PDE4B: variants seen among roughly 807,000 people sequenced by gnomAD.
The protein encoded by PDE4B is phosphodiesterase 4B.
In PDE4B, 20 loss-of-function variants were observed where a neutral mutation model predicts 82.2. The observed-to-expected ratio is 0.24, with a 90% confidence interval of 0.17 to 0.35. The LOEUF (loss-of-function observed/expected upper bound fraction) is 0.35, where lower values mean the gene tolerates loss of function less well. Among genes scored for constraint, PDE4B ranks in the 10% least tolerant of loss-of-function variants. PDE4B has a pLI of 1.00. For synonymous variants in PDE4B, 320 were observed against 318.9 expected, an observed-to-expected ratio of 1.00 and a Z score of -0.04; for missense variants, 655 against 907.2, an observed-to-expected ratio of 0.72 and a Z score of 3.57.
chr1:66,223,309 C>A (rs1049919771), intron 3 of PDE4B, among the ~76,000 whole-genome samples: 2 of 152,142 alleles, frequency 1.3e-5, no homozygotes, highest in African/African-American at 4.8e-5. Flanking sequence ...GATGTCTGAA[C>A]TCCCTGCCCA....
intron 7 of PDE4B, among the ~76,000 whole-genome samples, chr1:66,288,204 G>A (rs947587423): frequency 1.3e-5 from 2 of 151,866 alleles, no homozygotes; most frequent in African/African-American, 4.8e-5. Flanking sequence ...GCCAGAGCAG[G>A]GGCAAGAGAG....
intron 3 of PDE4B, among the ~76,000 whole-genome samples, chr1:65,996,561 T>G (rs375894909): frequency 6.6e-6 from 1 of 152,174 alleles, no homozygotes. Flanking sequence ...CTAGAATGTC[T>G]GCATATGTTA....
At chr1:66,043,315 T>TTGACTGAAATATTTCA (rs1425856886) in intron 3 of PDE4B, among the ~76,000 whole-genome samples, 3 of 151,784 alleles carry the variant, frequency 2.0e-5, no homozygotes, top group African/African-American at 7.2e-5. Flanking sequence ...AGTCAATCTG[T>TTGACTGAAATATTTCA]GTTGAATCTT....
At chr1:65,884,362 A>C (rs1194030187) in intron 1 of PDE4B, among the ~76,000 whole-genome samples, 1 of 152,126 alleles carries the variant, frequency 6.6e-6, no homozygotes, top group Non-Finnish European at 1.5e-5. Flanking sequence ...TCAGGGATTC[A>C]AGTTCTTCCT....
At chr1:66,248,790 C>T (rs1004708288) in intron 4 of PDE4B, among the ~76,000 whole-genome samples, 5 of 152,206 alleles carry the variant, frequency 3.3e-5, no homozygotes, top group African/African-American at 1.2e-4. Context: ...GAGGAACACA[C>T]ACATACAAAC....
At chr1:66,213,049 CT>C (rs554086365) in intron 3 of PDE4B, among the ~76,000 whole-genome samples, 57 of 152,094 alleles carry the variant, frequency 3.7e-4, no homozygotes, top group Non-Finnish European at 7.5e-4. Context: ...TTTTCTTTTT[CT>C]TTTTTTTCCC....
chr1:65,924,215 C>T (rs951103772), intron 3 of PDE4B, among the ~76,000 whole-genome samples: 11 of 144,370 alleles, frequency 7.6e-5, no homozygotes, highest in African/African-American at 2.8e-4. Context: ...GCTGGGACTA[C>T]AGGCGCCCGC....
intron 3 of PDE4B, among the ~76,000 whole-genome samples, chr1:66,107,790 A>G (rs1645398942): frequency 2.0e-5 from 3 of 151,962 alleles, no homozygotes; most frequent in Admixed American, 2.0e-4. Context: ...CCAGGTGAAT[A>G]TGATCAATCT....
chr1:66,152,974 T>C (rs887464496), intron 3 of PDE4B, among the ~76,000 whole-genome samples: 1 of 152,140 alleles, frequency 6.6e-6, no homozygotes. Flanking sequence ...TTGTAGATGT[T>C]AACCACATCT....
At chr1:66,208,753 A>C (rs1015963273) in intron 3 of PDE4B, among the ~76,000 whole-genome samples, 4 of 152,234 alleles carry the variant, frequency 2.6e-5, no homozygotes, top group Non-Finnish European at 5.9e-5. Context: ...GGCCACAATG[A>C]GTAGGTCAAT....
chr1:66,179,449 G>T lies in PDE4B; in HGVS notation c.282-68011G>T, dbSNP rs138525008. ...ATGTGAAGAAGATCCAGGAGAGTGA[G>T]AACTACTCATTGCAAATATAGCCCT... On this transcript the variant is annotated intron_variant, in intron 3 of 16. Transcript: ENST00000341517. 2.9e-3 allele frequency among the ~76,000 whole-genome samples: 442 copies of T among 152,068 alleles called. 1 individual carries two copies. Among genetic ancestry groups the T allele is most frequent in the African/African-American group, 9.5e-3 (393 of 41,472 alleles).
chr1:66,332,162 C>T (rs1660159846), intron 7 of PDE4B: 2 of 1,377,236 alleles, frequency 1.5e-6, no homozygotes, highest in Non-Finnish European at 1.9e-6. Flanking sequence ...TCTGAGAAAA[C>T]TCTTTGGTGC....
rs1381603632 is a variant in PDE4B, at chr1:66,213,772, C to T, written c.282-33688C>T. Among the ~76,000 whole-genome samples the T allele has an allele frequency of 3.9e-5, 6 of 152,090 alleles. No homozygotes were observed. The South Asian group carries it at 1.2e-3, about 32-fold the overall frequency. ...TTTAGATTGTTTGTGGATTTTGGCT[C>T]CAGTATAGATTTAGTGCTCTACTTT... On this transcript the variant is annotated intron_variant, in intron 3 of 16. Coordinates refer to ENST00000341517, the MANE Select transcript of PDE4B (RefSeq NM_002600.4).
intron 8 of PDE4B, among the ~76,000 whole-genome samples, chr1:66,342,118 A>G (rs1415869709): frequency 6.6e-6 from 1 of 152,156 alleles, no homozygotes; most frequent in Non-Finnish European, 1.5e-5. Flanking sequence ...TAAATAATAA[A>G]CTATTAATGT....
At chr1:65,877,189 G>A (rs1646654563) in intron 1 of PDE4B, among the ~76,000 whole-genome samples, 1 of 152,116 alleles carries the variant, frequency 6.6e-6, no homozygotes, top group Admixed American at 6.5e-5. Flanking sequence ...GCATGGTACT[G>A]GTACCAAAAC....
intron 3 of PDE4B, among the ~76,000 whole-genome samples, chr1:66,077,733 A>G (rs2100947499): frequency 6.6e-6 from 1 of 152,288 alleles, no homozygotes; most frequent in South Asian, 2.1e-4. Context: ...CATTGTGAAG[A>G]ACTTGGGTTC....
chr1:65,950,967 G>A (rs1009147193), intron 3 of PDE4B, among the ~76,000 whole-genome samples: 4 of 152,076 alleles, frequency 2.6e-5, no homozygotes, highest in Admixed American at 2.0e-4. Flanking sequence ...ATCTTCTATA[G>A]TCTTGGATAA....
chr1:66,132,824 A>T (rs2101116839), intron 3 of PDE4B, among the ~76,000 whole-genome samples: 2 of 152,304 alleles, frequency 1.3e-5, no homozygotes, highest in African/African-American at 4.8e-5. Context: ...ATTTGCACTT[A>T]ACAATTCTCT....
chr1:66,266,158 G>A (rs1202539109), intron 7 of PDE4B, 71 bp downstream of exon 7: 29 of 1,199,424 alleles, frequency 2.4e-5, no homozygotes, highest in Non-Finnish European at 3.6e-5. Flanking sequence ...ATTCAGAACT[G>A]TTTTTTAGAA....
Sources: gnomAD v4.1 joint callset for allele counts (sites outside exome capture counted in the v4.1 genomes callset) on GRCh38, gnomAD v4.1.1 for gene constraint, MANE v1.5 for transcripts, NCBI Gene and HGNC (gene_info 2026-07-23, HGNC 2026-07-21) for gene names.